DNAAF9: variants seen among roughly 807,000 people sequenced by gnomAD.
The protein encoded by DNAAF9 is shulin.
A neutral mutation model predicts 167.0 loss-of-function variants in DNAAF9; 90 were observed. The observed-to-expected ratio is 0.54, with a 90% CI of 0.45 to 0.64. The LOEUF (loss-of-function observed/expected upper bound fraction) is 0.64. Among genes scored for constraint, DNAAF9 ranks in the 30% least tolerant of loss-of-function variants. DNAAF9 has a pLI of 0.00. For synonymous variants in DNAAF9, 491 were observed against 508.8 expected, an observed-to-expected ratio of 0.96 and a Z score of 0.47; for missense variants, 1,315 against 1,442.2, an observed-to-expected ratio of 0.91 and a Z score of 1.43.
chr20:3,298,060 T>C lies in DNAAF9; in HGVS notation c.1898A>G (p.Lys633Arg), dbSNP rs2069113976. 1 of 1,613,444 alleles carries C rather than the reference T, an allele frequency of 6.2e-7. No homozygotes were observed. The highest frequency in any genetic ancestry group is 8.5e-7 in the Non-Finnish European group (1 of 1,179,338). Residue 633 changes from lysine (K) to arginine (R), a missense_variant, in exon 22 of 37, where the codon AAA (lysine) becomes AGA (arginine). By Grantham distance (26) the Lys-to-Arg change is conservative. Coordinates refer to ENST00000252032, the MANE Select transcript of DNAAF9 (RefSeq NM_001009984.3). ...GTAAAATGCTTGGTATATCTTCGAT[T>C]TGGGGAAAAGGGCAATCATCAGAAA... ...SNFLMIALFP[K>R]SKIYQAFYSE...
intron 6 of DNAAF9, among the ~76,000 whole-genome samples, chr20:3,369,105 G>C (rs1202336865): frequency 2.7e-5 from 4 of 150,470 alleles, no homozygotes; most frequent in Admixed American, 2.6e-4. Context: ...CTCCAGCCTG[G>C]GCAAGGAGAG....
intron 20 of DNAAF9, chr20:3,306,803 C>A: frequency 7.2e-6 from 4 of 555,056 alleles, no homozygotes; most frequent in Non-Finnish European, 9.2e-6. Flanking sequence ...TTCCATCAGC[C>A]CACAGAGCTC....
chr20:3,400,782 T>C (rs2083971899), intron 1 of DNAAF9, among the ~76,000 whole-genome samples: 1 of 152,224 alleles, frequency 6.6e-6, no homozygotes, highest in African/African-American at 2.4e-5. Flanking sequence ...TATTGTGTAC[T>C]ATTAATGCCA....
At chr20:3,263,126 C>T (rs893587785) in intron 31 of DNAAF9, among the ~76,000 whole-genome samples, 2 of 152,054 alleles carry the variant, frequency 1.3e-5, no homozygotes, top group African/African-American at 4.8e-5. Flanking sequence ...AGGCATCCAC[C>T]ACCACACCTG....
chr20:3,282,339 T>C (rs1051676243), intron 27 of DNAAF9, among the ~76,000 whole-genome samples: 6 of 152,178 alleles, frequency 3.9e-5, no homozygotes, highest in African/African-American at 1.4e-4. Flanking sequence ...TTTGGTCTCC[T>C]TTGACTCCAT....
At chr20:3,392,123 C>T (rs1437594852) in intron 1 of DNAAF9, among the ~76,000 whole-genome samples, 4 of 152,094 alleles carry the variant, frequency 2.6e-5, no homozygotes, top group Non-Finnish European at 4.4e-5. Context: ...GCATTGATTG[C>T]ACCACTGCAC....
intron 9 of DNAAF9, among the ~76,000 whole-genome samples, chr20:3,341,469 TCTC>T (rs2070084286): frequency 6.6e-6 from 1 of 152,138 alleles, no homozygotes; most frequent in Non-Finnish European, 1.5e-5. Context: ...TGCTCCCTCC[TCTC>T]CTCTGTGATG....
intron 7 of DNAAF9, among the ~76,000 whole-genome samples, chr20:3,355,531 G>A (rs979787487): frequency 7.5e-6 from 1 of 133,950 alleles, no homozygotes; most frequent in African/African-American, 2.7e-5. Flanking sequence ...CTGAGATTGT[G>A]CCACTGCACT....
chr20:3,357,042 G>GCTTT (rs1330610219), intron 7 of DNAAF9, among the ~76,000 whole-genome samples: 3 of 152,130 alleles, frequency 2.0e-5, no homozygotes, highest in East Asian at 3.8e-4. Context: ...ATTATTTTCT[G>GCTTT]CTTTCCATGC....
intron 24 of DNAAF9, 94 bp downstream of exon 24, chr20:3,294,434 T>C (rs776289654): frequency 4.0e-5 from 35 of 882,214 alleles, no homozygotes; most frequent in Non-Finnish European, 6.3e-5. Flanking sequence ...TCTAAGAAAC[T>C]ACAAGAAAAA....
intron 33 of DNAAF9, among the ~76,000 whole-genome samples, chr20:3,258,644 G>A (rs757388773): frequency 2.0e-5 from 3 of 152,116 alleles, no homozygotes; most frequent in Non-Finnish European, 4.4e-5. Context: ...GCAACCATAA[G>A]GGGCAGGAAC....
chr20:3,367,270 G>A (rs573161282), intron 6 of DNAAF9, among the ~76,000 whole-genome samples: 11 of 152,310 alleles, frequency 7.2e-5, no homozygotes, highest in African/African-American at 2.2e-4. Context: ...TTGGTTTAAC[G>A]GAATGTTTTG....
intron 2 of DNAAF9, 60 bp downstream of exon 2, chr20:3,382,367 T>C (rs2083666738): frequency 4.8e-6 from 6 of 1,260,184 alleles, no homozygotes; most frequent in Non-Finnish European, 7.0e-6. Context: ...AATACCTTCC[T>C]GTGAACAAAA....
At chr20:3,348,684 G>A (rs570100134) in intron 7 of DNAAF9, 61 bp from the exon 8 acceptor site, 23 of 983,564 alleles carry the variant, frequency 2.3e-5, no homozygotes, top group South Asian at 2.1e-4. Flanking sequence ...TTTAGAAAAC[G>A]AGAATTATGA....
At chr20:3,371,736 TTCTA>T (rs749958582) in intron 6 of DNAAF9, among the ~76,000 whole-genome samples, 19 of 152,196 alleles carry the variant, frequency 1.2e-4, no homozygotes, top group Non-Finnish European at 2.2e-4. Flanking sequence ...CTAATTCTTA[TTCTA>T]TCTTTCAATA....
At chr20:3,252,753 C>G (rs867854636) in intron 36 of DNAAF9, 69 bp from the exon 37 acceptor site, 1 of 934,344 alleles carries the variant, frequency 1.1e-6, no homozygotes, top group Middle Eastern at 2.1e-4. Flanking sequence ...CCCAGAGCGG[C>G]CTGTAGGCAG....
At chr20:3,334,667 C>T (rs188603194) in intron 10 of DNAAF9, among the ~76,000 whole-genome samples, 150 of 152,258 alleles carry the variant, frequency 9.9e-4, no homozygotes, top group African/African-American at 3.3e-3. Flanking sequence ...GCATTCCCAC[C>T]GGCAATAAAT....
At chr20:3,367,124 TTATG>T (rs2083442012) in intron 6 of DNAAF9, among the ~76,000 whole-genome samples, 1 of 152,174 alleles carries the variant, frequency 6.6e-6, no homozygotes, top group South Asian at 2.1e-4. Context: ...TCTTGCACTT[TTATG>T]TTTTAGAGAC....
intron 29 of DNAAF9, among the ~76,000 whole-genome samples, chr20:3,276,076 C>T (rs1212740741): frequency 6.6e-6 from 1 of 152,168 alleles, no homozygotes; most frequent in African/African-American, 2.4e-5. Context: ...GGGGCTGCAA[C>T]ATAGTCCTTT....
Sources: allele counts gnomAD v4.1 joint callset (sites outside exome capture counted in the v4.1 genomes callset), GRCh38; gene constraint gnomAD v4.1.1; transcripts MANE v1.5; gene names NCBI Gene and HGNC (gene_info 2026-07-23, HGNC 2026-07-21).